Variants in FBXL19 observed in about 807,000 individuals in gnomAD.
FBXL19 encodes the protein F-box and leucine rich repeat protein 19.
FBXL19 carries 16 observed loss-of-function variants against 71.2 expected under a neutral mutation model. The ratio of observed to expected loss-of-function variants is 0.22; its 90% CI spans 0.15 to 0.34. The LOEUF (loss-of-function observed/expected upper bound fraction) is 0.34. Among genes scored for constraint, FBXL19 ranks in the 10% least tolerant of loss-of-function variants. The pLI is 1.00. For missense variants in FBXL19, 658 were observed against 968.2 expected (o/e 0.68, Z 4.25); for synonymous variants, 447 against 409.4 (o/e 1.09, Z -1.11).
chr16:30,939,594 T>C (rs1428081087), intron 7 of FBXL19, among the ~76,000 whole-genome samples: 1 of 148,904 alleles, frequency 6.7e-6, no homozygotes, highest in African/African-American at 2.5e-5. Context: ...TTTGTATTTT[T>C]TTTTTAGTAG....
Position 30,947,671 on chromosome 16 carries a change from G to C in FBXL19, c.*441G>C. On this transcript the variant is annotated 3_prime_UTR_variant, in exon 11 of 11. Coordinates refer to ENST00000338343, the MANE Select transcript of FBXL19 (RefSeq NM_001382779.1). ...TCAGGGAACAAAGACCAGTTACTTG[G>C]AGTGGGGGGTGGGGGTGGGGCCACA... 3.1e-6 allele frequency: 1 copy of C among 325,294 alleles called. No homozygotes were observed. Among genetic ancestry groups the C allele is most frequent in the Non-Finnish European group, 6.0e-6 (1 of 165,370 alleles). 20.2% of individuals were successfully genotyped at this position (325,294 alleles called of 1,614,324 possible).
chr16:30,932,891 A>C (rs1407735782), intron 7 of FBXL19, among the ~76,000 whole-genome samples: 3 of 148,448 alleles, frequency 2.0e-5, no homozygotes, highest in African/African-American at 2.5e-5. Context: ...CCCAGGCTGA[A>C]GTGCAGTGGC....
chr16:30,946,437 T>A lies in FBXL19; in HGVS notation c.1628-293T>A, dbSNP rs1021220189. On this transcript the variant is annotated intron_variant, in intron 9 of 10. Transcript: ENST00000338343. This position sits in a 1 kb window ranked among gnomAD's most constrained non-coding sequence, Gnocchi z 6.7. Reference sequence around the variant, plus strand: ...CCAGGCTAGTCTCGAACTCCTGACCTCAAGTGAGCCGCCTGCCTCGGCTTC... The same window carrying A: ...CCAGGCTAGTCTCGAACTCCTGACCACAAGTGAGCCGCCTGCCTCGGCTTC... Among the ~76,000 whole-genome samples, 1 of 152,184 alleles carries A rather than the reference T, an allele frequency of 6.6e-6. No homozygotes were observed. Among genetic ancestry groups the A allele is most frequent in the African/African-American group, 2.4e-5 (1 of 41,442 alleles).
intron 5 of FBXL19, among the ~76,000 whole-genome samples, 180 bp downstream of exon 5, chr16:30,928,143 G>T (rs547861787): frequency 9.5e-5 from 14 of 147,902 alleles, no homozygotes; most frequent in Middle Eastern, 3.4e-3. Context: ...GTGTGGAGGA[G>T]GGGGGGGACA....
At chr16:30,939,067 T>G (rs2055770016) in intron 7 of FBXL19, among the ~76,000 whole-genome samples, 1 of 151,788 alleles carries the variant, frequency 6.6e-6, no homozygotes, top group Admixed American at 6.6e-5. Context: ...TTTTGTGTTT[T>G]ATTTATTTAT....
chr16:30,937,183 G>A (rs2055748433), intron 7 of FBXL19, among the ~76,000 whole-genome samples: 1 of 152,090 alleles, frequency 6.6e-6, no homozygotes, highest in Non-Finnish European at 1.5e-5. Flanking sequence ...TAGTGCTGAA[G>A]TCACTGTGAT....
Position 30,942,094 on chromosome 16 carries a change from GTC to G in FBXL19, c.1302-19_1302-18del. 1 of 1,539,744 alleles carries G rather than the reference GTC, an allele frequency of 6.5e-7. No homozygotes were observed. Among genetic ancestry groups the G allele is most frequent in the Non-Finnish European group, 8.8e-7 (1 of 1,138,280 alleles). Reference sequence around the variant, plus strand: ...CTGAGAGCTGAGGGCTGAGGTCTCTGTCTCCCCCCTATGGCCGCCAGGTGCTA... The same window carrying G: ...CTGAGAGCTGAGGGCTGAGGTCTCTGTCCCCCCTATGGCCGCCAGGTGCTA... On this transcript the variant is annotated intron_variant, in intron 7 of 10. Transcript: ENST00000338343. The surrounding 1 kb of genome is among the most constrained non-coding windows in gnomAD (Gnocchi z 5.7).
Position 30,942,403 on chromosome 16 carries a change from C to T in FBXL19, c.1494C>T (p.Cys498=), listed in dbSNP as rs757825368. 1.4e-5 allele frequency: 22 copies of T among 1,610,028 alleles called. No individual in the cohort carries two copies. In the South Asian group the frequency reaches 2.3e-4, roughly 17 times the overall value. ...QGLQELVLSG[C]SWLSVSALGS... is the part of the protein sequence containing the mutation. Reference sequence around the variant, plus strand: ...TGCAGGAGCTGGTGCTCTCTGGCTGCTCCTGGCTCTCTGTCTCTGCCCTGG... The same window carrying T: ...TGCAGGAGCTGGTGCTCTCTGGCTGTTCCTGGCTCTCTGTCTCTGCCCTGG... The change falls in exon 9 of 11, where the codon TGC becomes TGT. Residue 498 remains cysteine, a synonymous_variant. Transcript: ENST00000338343. This position sits in a 1 kb window ranked among gnomAD's most constrained non-coding sequence, Gnocchi z 5.7.
rs1447468811 is a variant in FBXL19, at chr16:30,925,770, CG to C, written c.21del (p.Pro8ArgfsTer32). 5.4e-6 allele frequency: 8 copies of C among 1,481,018 alleles called. No individual in the cohort carries two copies. In the Admixed American group the frequency reaches 8.1e-5, roughly 15 times the overall value. The allele number at this position is 1,481,018 out of a possible 1,614,324, so 91.7% of individuals were successfully genotyped here. MSSSSRGPGAGARRRR... is the reference protein window; with the variant it reads MSSSSXGPGAGARRRR... ...GACGCCCCCAATGTCGTCGAGCAGC[CG>C]GGGGCCGGGGGCCGGAGCGCGCCGA... On this transcript the variant is annotated frameshift_variant, in exon 2 of 11. Transcript: ENST00000338343. LOFTEE classifies it high-confidence loss of function. This position sits in a 1 kb window ranked among gnomAD's most constrained non-coding sequence, Gnocchi z 5.0.
Position 30,947,668 on chromosome 16 carries a change from TTGGAGTG to T in FBXL19, c.*439_*445del, listed in dbSNP as rs1264350895. ...GGTTCAGGGAACAAAGACCAGTTAC[TTGGAGTG>T]GGGGGTGGGGGTGGGGCCACAAAAG... is the stretch of plus-strand genomic sequence containing the variant. On this transcript the variant is annotated 3_prime_UTR_variant, in exon 11 of 11. Transcript: ENST00000338343. The T allele has an allele frequency of 4.2e-6, 1 of 239,390 alleles. No homozygotes were observed. 14.8% of individuals were successfully genotyped at this position (239,390 alleles called of 1,614,324 possible).
chr16:30,935,000 G>A (rs982320707), intron 7 of FBXL19, among the ~76,000 whole-genome samples: 3 of 152,228 alleles, frequency 2.0e-5, no homozygotes, highest in African/African-American at 7.2e-5. Flanking sequence ...CTCATGGCCA[G>A]AGGTGTGCCC....
At chr16:30,924,744 A>C (rs756956472) in intron 1 of FBXL19, 1 of 1,495,136 alleles carries the variant, frequency 6.7e-7, no homozygotes, top group Non-Finnish European at 8.8e-7. Flanking sequence ...TGGGTATGAA[A>C]GTCCCCGGAA....
intron 7 of FBXL19, among the ~76,000 whole-genome samples, chr16:30,931,735 A>T (rs1341520640): frequency 6.6e-6 from 1 of 150,726 alleles, no homozygotes; most frequent in Non-Finnish European, 1.5e-5. Context: ...TTTTATTTTT[A>T]TTTTTTTTTA....
chr16:30,930,141 G>T lies in FBXL19; in HGVS notation c.858G>T (p.Lys286Asn). 3 of 1,613,546 alleles carry T rather than the reference G, an allele frequency of 1.9e-6. No homozygotes were observed. The highest frequency in any genetic ancestry group is 2.5e-6 in the Non-Finnish European group (3 of 1,179,892). Reference protein sequence around the residue: ...AVPSPSPQREKLERFKRMCQL... With the variant: ...AVPSPSPQRENLERFKRMCQL... Reference sequence around the variant, plus strand: ...CGTCCCCGTCCCCGCAGAGGGAGAAGCTAGAGCGTTTCAAGCGGATGTGCC... The same window carrying T: ...CGTCCCCGTCCCCGCAGAGGGAGAATCTAGAGCGTTTCAAGCGGATGTGCC... Residue 286 changes from lysine (K) to asparagine (N), a missense_variant, in exon 7 of 11, where the codon AAG becomes AAT. By Grantham distance (94) the Lys-to-Asn change is moderately conservative (BLOSUM62 0). Around this residue, in one of 8 missense-constraint regions of FBXL19, gnomAD observed 447 missense variants for 515.4 expected, o/e 0.87. Coordinates refer to ENST00000338343, the MANE Select transcript of FBXL19 (RefSeq NM_001382779.1). This position sits in a 1 kb window ranked among gnomAD's most constrained non-coding sequence, Gnocchi z 8.5.
chr16:30,924,723 A>G (rs1384454445), intron 1 of FBXL19: 1 of 1,498,792 alleles, frequency 6.7e-7, no homozygotes, highest in Non-Finnish European at 8.8e-7. Flanking sequence ...AGGGCCCCTT[A>G]GCCCCATGGA....
At chr16:30,933,884 C>T (rs1415378699) in intron 7 of FBXL19, among the ~76,000 whole-genome samples, 1 of 152,038 alleles carries the variant, frequency 6.6e-6, no homozygotes, top group African/African-American at 2.4e-5. Context: ...TCCCGAGTAG[C>T]TGGGATTACA....
rs532211644 is a variant in FBXL19, at chr16:30,925,355, A to G, written c.-24-376A>G. On this transcript the variant is annotated intron_variant, in intron 1 of 10. Coordinates refer to ENST00000338343, the MANE Select transcript of FBXL19 (RefSeq NM_001382779.1). This position sits in a 1 kb window ranked among gnomAD's most constrained non-coding sequence, Gnocchi z 5.0. ...GCCTGGGATATTCTACACTCGGATA[A>G]CAGGGGAAGAGTTGGGATCTCTCCA... is the stretch of plus-strand genomic sequence containing the variant. 6.6e-6 allele frequency among the ~76,000 whole-genome samples: 1 copy of G among 152,206 alleles called. No homozygotes were observed.
At chr16:30,938,033 T>C (rs1002658933) in intron 7 of FBXL19, among the ~76,000 whole-genome samples, 2 of 152,128 alleles carry the variant, frequency 1.3e-5, no homozygotes, top group Non-Finnish European at 2.9e-5. Context: ...TTGGTTTTTT[T>C]CCTTTTCATG....
At chr16:30,929,786 C>T (rs2055647620) in intron 6 of FBXL19, among the ~76,000 whole-genome samples, 2 of 152,326 alleles carry the variant, frequency 1.3e-5, no homozygotes, top group South Asian at 4.1e-4. Context: ...GATCTCTTGA[C>T]CTCGTGATCC....
Sources: gnomAD v4.1 joint callset for allele counts (sites outside exome capture counted in the v4.1 genomes callset) on GRCh38, gnomAD v4.1.1 for gene constraint, gnomAD v4.1.1 regional missense constraint, Gnocchi (gnomAD v3.1) non-coding constraint, MANE v1.5 for transcripts, NCBI Gene and HGNC (gene_info 2026-07-23, HGNC 2026-07-21) for gene names.